TENM3: variants seen among roughly 807,000 people sequenced by gnomAD.
The protein encoded by TENM3 is teneurin-3.
In TENM3, 63 loss-of-function variants were observed where a neutral mutation model predicts 255.1. That is an observed-to-expected ratio of 0.25 (90% confidence interval 0.20 to 0.30). TENM3 has a LOEUF of 0.30. Among genes scored for constraint, TENM3 ranks in the 10% least tolerant of loss-of-function variants. The probability of loss-of-function intolerance (pLI) is 1.00; values close to 1 mark genes in which losing one functional copy is unlikely to be tolerated. For synonymous variants in TENM3, 1,306 were observed against 1,322.3 expected, an observed-to-expected ratio of 0.99 and a Z score of 0.27; for missense variants, 2,929 against 3,461.1, an observed-to-expected ratio of 0.85 and a Z score of 3.86.
At chr4:182,395,379 A>G (rs955296563) in intron 3 of TENM3, among the ~76,000 whole-genome samples, 8 of 152,184 alleles carry the variant, frequency 5.3e-5, no homozygotes, top group Admixed American at 3.3e-4. Context: ...GCTTTTAGGG[A>G]GTACTGATTA....
the TENM3 span, among the ~76,000 whole-genome samples, chr4:181,640,211 C>A: frequency 6.6e-6 from 1 of 152,112 alleles, no homozygotes; most frequent in African/African-American, 2.4e-5. Context: ...CTACTCCAGA[C>A]CTACTGAGCC....
chr4:182,162,702 C>CT lies in TENM3; in HGVS notation c.-76+17950dup, dbSNP rs929137636. 3.3e-5 allele frequency among the ~76,000 whole-genome samples: 5 copies of CT among 152,292 alleles called. No individual in the cohort carries two copies. In the South Asian group the frequency reaches 8.3e-4, roughly 25 times the overall value. On this transcript the variant is annotated intron_variant, in intron 1 of 2. Transcript: ENST00000512480. The stretch of plus-strand genomic sequence containing the variant: ...CTCAGTGTTCCAGCACCTTGCTCTG[C>CT]TTCTGAGATGTTGCCTCAAATACTG...
rs1579918238 is a variant in TENM3, at chr4:182,256,463, A to T, written c.-76+12987A>T. ...ATAAGCAGTTAATTTTTTTGAGTGT[A>T]CATTTGCTGCTATATCCTACAGATA... On this transcript the variant is annotated intron_variant, in intron 1 of 27. Coordinates refer to ENST00000511685, the MANE Select transcript of TENM3 (RefSeq NM_001080477.4). Among the ~76,000 whole-genome samples, 2 of 152,336 alleles carry T rather than the reference A, an allele frequency of 1.3e-5. 1 individual carries two copies. Among genetic ancestry groups the T allele is most frequent in the South Asian group, 4.1e-4 (2 of 4,828 alleles).
At position 182,434,968 on chromosome 4, in the gene TENM3, G is replaced by A. The variant is rs551430192; in HGVS notation, c.511+88039G>A. Among the ~76,000 whole-genome samples the A allele has an allele frequency of 2.0e-5, 3 of 152,278 alleles. No individual in the cohort carries two copies. The South Asian group carries it at 6.2e-4, about 32-fold the overall frequency. On this transcript the variant is annotated intron_variant, in intron 3 of 27. Coordinates refer to ENST00000511685, the MANE Select transcript of TENM3 (RefSeq NM_001080477.4). ...GAACAATGAGTACAGGAAAGGCATG[G>A]AGCATTTCCACGGGAATTGCCAGGA...
At chr4:181,632,294 C>G in the TENM3 span, among the ~76,000 whole-genome samples, 1 of 152,080 alleles carries the variant, frequency 6.6e-6, no homozygotes, top group Non-Finnish European at 1.5e-5. Context: ...ATCACAAGAA[C>G]AGCATGGAGG....
At chr4:182,175,300 A>AT (rs1752389893) in intron 1 of TENM3, among the ~76,000 whole-genome samples, 1 of 38,150 alleles carries the variant, frequency 2.6e-5, no homozygotes, top group Non-Finnish European at 8.2e-5. Context: ...GCTCTGCTTC[A>AT]TTAAAAAAAA....
At chr4:182,305,775 A>G (rs1489603351) in intron 1 of TENM3, among the ~76,000 whole-genome samples, 1 of 152,194 alleles carries the variant, frequency 6.6e-6, no homozygotes, top group African/African-American at 2.4e-5. Flanking sequence ...ACTTTGCAGC[A>G]ATACCCAATG....
chr4:182,549,572 G>T (rs1197350002), intron 3 of TENM3, among the ~76,000 whole-genome samples: 1 of 152,190 alleles, frequency 6.6e-6, no homozygotes, highest in Non-Finnish European at 1.5e-5. Flanking sequence ...GACCGCAGAA[G>T]CAGTCCACCC....
At chr4:182,057,803 G>A in the TENM3 span, among the ~76,000 whole-genome samples, 4 of 152,016 alleles carry the variant, frequency 2.6e-5, no homozygotes, top group East Asian at 1.9e-4. Flanking sequence ...AAACTTCAAC[G>A]TAATGAGAAG....
At chr4:182,634,277 G>C (rs1751653063) in intron 5 of TENM3, among the ~76,000 whole-genome samples, 1 of 152,144 alleles carries the variant, frequency 6.6e-6, no homozygotes, top group Admixed American at 6.6e-5. Context: ...CATGGGGCTA[G>C]GAACTATCAT....
intron 5 of TENM3, among the ~76,000 whole-genome samples, chr4:182,652,213 T>C (rs1321715819): frequency 6.6e-6 from 1 of 152,198 alleles, no homozygotes; most frequent in African/African-American, 2.4e-5. Flanking sequence ...GTTATATGTC[T>C]TATAAATGAG....
the TENM3 span, among the ~76,000 whole-genome samples, chr4:182,132,113 T>C: frequency 3.9e-5 from 6 of 152,228 alleles, no homozygotes; most frequent in South Asian, 1.2e-3. Context: ...AAGTCTAGCC[T>C]TCAACCATCA....
chr4:181,744,859 A>C, the TENM3 span, among the ~76,000 whole-genome samples: 1 of 152,214 alleles, frequency 6.6e-6, no homozygotes, highest in African/African-American at 2.4e-5. Flanking sequence ...TACTAAGGTA[A>C]AGAAGACTAG....
chr4:182,702,016 T>C (rs1357078915), intron 12 of TENM3, among the ~76,000 whole-genome samples: 1 of 152,250 alleles, frequency 6.6e-6, no homozygotes, highest in East Asian at 1.9e-4. Context: ...AATACATGAC[T>C]TGTATTTCTG....
chr4:182,668,083 A>G (rs1275765544), intron 6 of TENM3, among the ~76,000 whole-genome samples: 4 of 152,098 alleles, frequency 2.6e-5, no homozygotes, highest in East Asian at 3.9e-4. Flanking sequence ...AAAGCATGCT[A>G]GTAGTCCTAA....
the TENM3 span, among the ~76,000 whole-genome samples, chr4:181,706,895 G>A: frequency 6.6e-6 from 1 of 152,178 alleles, no homozygotes; most frequent in African/African-American, 2.4e-5. Context: ...AATTACATCT[G>A]GTTACTGATG....
intron 3 of TENM3, among the ~76,000 whole-genome samples, chr4:182,361,200 T>C (rs935886191): frequency 3.9e-5 from 6 of 152,148 alleles, no homozygotes; most frequent in African/African-American, 1.4e-4. Flanking sequence ...ATTATGTGTC[T>C]TGGAGTTGCT....
At chr4:181,506,703 C>A in the TENM3 span, among the ~76,000 whole-genome samples, 1 of 151,644 alleles carries the variant, frequency 6.6e-6, no homozygotes, top group Admixed American at 6.5e-5. Flanking sequence ...ATGATGAGGA[C>A]AACTCTAATC....
the TENM3 span, among the ~76,000 whole-genome samples, chr4:181,607,639 G>A: frequency 0.055 from 8,401 of 151,904 alleles, 333 homozygotes; most frequent in South Asian, 0.12. Context: ...TCCTGACCTC[G>A]TGATCTGCCT....
Sources: allele counts gnomAD v4.1 joint callset (sites outside exome capture counted in the v4.1 genomes callset), GRCh38; gene constraint gnomAD v4.1.1; transcripts MANE v1.5; gene names NCBI Gene and HGNC (gene_info 2026-07-23, HGNC 2026-07-21).